The following TYK2 variants were observed in gnomAD, a reference collection of about 807,000 sequenced individuals.
The protein encoded by TYK2 is non-receptor tyrosine-protein kinase TYK2.
In TYK2, 65 loss-of-function variants were observed where a neutral mutation model predicts 130.9. The observed-to-expected ratio is 0.50, with a 90% confidence interval of 0.41 to 0.61. The LOEUF is 0.61. TYK2 is among the 20% of genes least tolerant of loss of function. TYK2 has a pLI of 0.00. For synonymous variants in TYK2, 647 were observed against 658.9 expected (o/e 0.98, Z 0.28); for missense variants, 1,378 against 1,610.7 (o/e 0.86, Z 2.47).
chr19:10,353,863 A>AC lies in TYK2; in HGVS notation c.2908+178dup, dbSNP rs2040940526. ...GTCCATCCTGGCCCCAGCAGGTAGC[A>AC]CCCCCCAGATGGGAAGGAGGCAGCC... is the stretch of plus-strand genomic sequence containing the variant. On this transcript the variant is annotated intron_variant, in intron 20 of 24. Coordinates refer to ENST00000525621, the MANE Select transcript of TYK2 (RefSeq NM_003331.5). This position sits in a 1 kb window ranked among gnomAD's most constrained non-coding sequence, Gnocchi z 6.9. 6.7e-6 allele frequency: 5 copies of AC among 747,460 alleles called. No homozygotes were observed. Among genetic ancestry groups the AC allele is most frequent in the Admixed American group, 4.7e-5 (2 of 42,390 alleles). The allele number at this position is 747,460 out of a possible 1,614,324, so 46.3% of individuals were successfully genotyped here.
chr19:10,362,312 C>T lies in TYK2; in HGVS notation c.1621G>A (p.Gly541Arg), dbSNP rs768654573. ...AALQGCLLRA[G>R]DDCFSLRRCC... ...CGACGCAGAGAGAAGCAGTCATCCC[C>T]GGCCCTCAGCAAGCAGCCCTGCAAG... The change falls in exon 11 of 25, where the codon GGG becomes AGG. Residue 541 changes from glycine (G) to arginine (R), a missense_variant. Coordinates refer to ENST00000525621, the MANE Select transcript of TYK2 (RefSeq NM_003331.5). 39 of 1,614,044 alleles carry T rather than the reference C, an allele frequency of 2.4e-5. No homozygotes were observed. In the East Asian group the frequency reaches 5.1e-4, roughly 21 times the overall value.
chr19:10,374,658 CA>C (rs2042048898), intron 3 of TYK2, among the ~76,000 whole-genome samples: 1 of 146,910 alleles, frequency 6.8e-6, no homozygotes, highest in South Asian at 2.2e-4. Context: ...GAGGCCGAGG[CA>C]GGGGGAACAG....
intron 23 of TYK2, 41 bp from the exon 24 acceptor site, chr19:10,351,203 A>G (rs779101293): frequency 5.8e-6 from 9 of 1,543,932 alleles, no homozygotes; most frequent in East Asian, 2.3e-5. Flanking sequence ...AGAGGCAATG[A>G]AAGGCAGGCA....
At position 10,353,693 on chromosome 19, in the gene TYK2, C is replaced by G. The variant is rs1023180749; in HGVS notation, c.2909-47G>C. The G allele has an allele frequency of 4.3e-6, 6 of 1,379,974 alleles. No homozygotes were observed. The African/African-American group carries it at 8.7e-5, about 20-fold the overall frequency. The allele number at this position is 1,379,974 out of a possible 1,614,324, so 85.5% of individuals were successfully genotyped here. A position where few individuals can be genotyped will look rare whatever the true frequency, so the allele number is the denominator to read the frequency against. On this transcript the variant is annotated intron_variant, in intron 20 of 24. Coordinates refer to ENST00000525621, the MANE Select transcript of TYK2 (RefSeq NM_003331.5). This position sits in a 1 kb window ranked among gnomAD's most constrained non-coding sequence, Gnocchi z 6.9. Reference sequence around the variant, plus strand: ...CCGGTGGGGGACGATAGAGGGCGGGCCGGGGACCGCCTACCTTGAGCCCAG... The same window carrying G: ...CCGGTGGGGGACGATAGAGGGCGGGGCGGGGACCGCCTACCTTGAGCCCAG...
At chr19:10,377,558 G>A (rs2042182692) in intron 3 of TYK2, among the ~76,000 whole-genome samples, 1 of 117,830 alleles carries the variant, frequency 8.5e-6, no homozygotes. Flanking sequence ...GTGGGTGGGT[G>A]GATGGATGGG....
In TYK2 at chr19:10,361,250, G is replaced by A. The variant is rs1258556799; in HGVS notation, c.2047+261C>T. On this transcript the variant is annotated intron_variant, in intron 14 of 24. Coordinates refer to ENST00000525621, the MANE Select transcript of TYK2 (RefSeq NM_003331.5). The surrounding 1 kb of genome is among the most constrained non-coding windows in gnomAD (Gnocchi z 4.0). ...TTGGGAGGTTGATGGAAGTGGGGAT[G>A]TAGTTGGGAATCAGGGTGGGGGTTG... 3.3e-5 allele frequency: 20 copies of A among 602,474 alleles called. No individual in the cohort carries two copies. The South Asian group carries it at 3.3e-4, about 10-fold the overall frequency. The allele number at this position is 602,474 out of a possible 1,614,324, so 37.3% of individuals were successfully genotyped here. A position where few individuals can be genotyped will look rare whatever the true frequency, so the allele number is the denominator to read the frequency against.
chr19:10,375,168 G>C (rs1478711149), intron 3 of TYK2, among the ~76,000 whole-genome samples: 1 of 145,668 alleles, frequency 6.9e-6, no homozygotes, highest in Non-Finnish European at 1.5e-5. Flanking sequence ...CTGTCTCTAC[G>C]AAAGAAAAAA....
chr19:10,370,680 T>TG (rs1044685232), intron 3 of TYK2, among the ~76,000 whole-genome samples: 6 of 151,000 alleles, frequency 4.0e-5, no homozygotes, highest in African/African-American at 1.5e-4. Flanking sequence ...TAGCTGGGTG[T>TG]GGGGGTGAGC....
intron 1 of TYK2, among the ~76,000 whole-genome samples, chr19:10,380,036 T>A (rs1045979883): frequency 6.6e-6 from 1 of 152,202 alleles, no homozygotes; most frequent in African/African-American, 2.4e-5. Flanking sequence ...CCACCCATGT[T>A]GCTGGTTTCC....
Position 10,378,269 on chromosome 19 carries a change from G to C in TYK2, c.138C>G (p.Phe46Leu). ...GPGGGEPWVT[F>L]SESSLTAEEV... The stretch of plus-strand genomic sequence containing the variant: ...CCTCAGCTGTCAGCGATGACTCACT[G>C]AAAGTGACCCAGGGCTCCCCGCCGC... The change falls in exon 3 of 25, where the codon TTC (phenylalanine) becomes TTG (leucine). Residue 46 changes from phenylalanine (F) to leucine (L), a missense_variant. Phe to Leu is a conservative substitution (Grantham distance 22, BLOSUM62 0). Transcript: ENST00000525621. 1 of 1,612,926 alleles carries C rather than the reference G, an allele frequency of 6.2e-7. No homozygotes were observed. The highest frequency in any genetic ancestry group is 1.1e-5 in the South Asian group (1 of 91,084).
At chr19:10,357,063 A>T in intron 17 of TYK2, 1 of 419,270 alleles carries the variant, frequency 2.4e-6, no homozygotes, top group Admixed American at 3.7e-5. Flanking sequence ...CTTCCTAGCC[A>T]GGCTTGTTGG....
rs369213786 is a variant in TYK2, at chr19:10,361,983, G to A, written c.1774-28C>T. The A allele has an allele frequency of 2.3e-5, 37 of 1,613,720 alleles. No individual in the cohort carries two copies. The highest frequency in any genetic ancestry group is 2.9e-5 in the Non-Finnish European group (34 of 1,179,912). On this transcript the variant is annotated intron_variant, in intron 12 of 24. Transcript: ENST00000525621. The surrounding 1 kb of genome is among the most constrained non-coding windows in gnomAD (Gnocchi z 4.0). ...GCGGGATCATGTGGCACAGAATACC[G>A]CCATGGTGAAAGTTAGCAGCTGATC...
intron 5 of TYK2, 94 bp from the exon 6 acceptor site, chr19:10,366,674 TG>T (rs2041680299): frequency 3.0e-6 from 4 of 1,348,026 alleles, no homozygotes; most frequent in Non-Finnish European, 4.2e-6. Flanking sequence ...TGGACCACAC[TG>T]GAAGAAGTGT....
Position 10,364,438 on chromosome 19 carries a change from C to T in TYK2, c.1367+176G>A, listed in dbSNP as rs1169121820. Among the ~76,000 whole-genome samples, 2 of 152,000 alleles carry T rather than the reference C, an allele frequency of 1.3e-5. No homozygotes were observed. Among genetic ancestry groups the T allele is most frequent in the South Asian group, 2.1e-4 (1 of 4,820 alleles). ...CTGAGGCAGGAGAATCGCTTGAACCCGGGAGGCGGAGGCTGCAGTGAGCTG... is the reference window on the plus strand; with the variant it reads ...CTGAGGCAGGAGAATCGCTTGAACCTGGGAGGCGGAGGCTGCAGTGAGCTG... On this transcript the variant is annotated intron_variant, in intron 9 of 24. Coordinates refer to ENST00000525621, the MANE Select transcript of TYK2 (RefSeq NM_003331.5). This position sits in a 1 kb window ranked among gnomAD's most constrained non-coding sequence, Gnocchi z 4.9.
rs1599351623 is a variant in TYK2, at chr19:10,365,678, C to T, written c.850G>A (p.Ala284Thr). ...TAGCAGGGCTCCCCCTCGGCCTGGG[C>T]CAGCAGCCTCAGGTGGCACACGGGC... ...RVPVCHLRLL[A>T]QAEGEPCYIR... Residue 284 changes from alanine to threonine, a missense_variant, in exon 7 of 25, where the codon GCC (alanine) becomes ACC (threonine). By Grantham distance (58) the Ala-to-Thr change is moderately conservative. Coordinates refer to ENST00000525621, the MANE Select transcript of TYK2 (RefSeq NM_003331.5). 6.2e-7 allele frequency: 1 copy of T among 1,613,308 alleles called. No homozygotes were observed. The highest frequency in any genetic ancestry group is 8.5e-7 in the Non-Finnish European group (1 of 1,179,834).
At chr19:10,362,007 T>A (rs1467398352) in intron 12 of TYK2, 52 bp from the exon 13 acceptor site, 19 of 1,613,384 alleles carry the variant, frequency 1.2e-5, no homozygotes, top group Non-Finnish European at 1.6e-5. Flanking sequence ...TAGCAGCTGA[T>A]CTCCCAGGGC....
At chr19:10,366,764 G>A (rs1044856308) in intron 5 of TYK2, among the ~76,000 whole-genome samples, 184 bp from the exon 6 acceptor site, 1 of 149,964 alleles carries the variant, frequency 6.7e-6, no homozygotes, top group African/African-American at 2.5e-5. Context: ...AATATCGCAA[G>A]CCGGGCATGG....
chr19:10,354,988 T>A, intron 18 of TYK2, among the ~76,000 whole-genome samples: 1 of 124,354 alleles, frequency 8.0e-6, no homozygotes, highest in African/African-American at 3.1e-5. Context: ...CCCAGGAGTT[T>A]TGAGGCTGCA....
intron 15 of TYK2, 72 bp from the exon 16 acceptor site, chr19:10,358,210 T>C (rs2041205746): frequency 4.7e-6 from 7 of 1,473,962 alleles, no homozygotes; most frequent in South Asian, 2.5e-5. Flanking sequence ...CTGGTCCCCA[T>C]AGGGACAGCC....
Sources: gnomAD v4.1 joint callset for allele counts (sites outside exome capture counted in the v4.1 genomes callset) on GRCh38, gnomAD v4.1.1 for gene constraint, Gnocchi (gnomAD v3.1) non-coding constraint, MANE v1.5 for transcripts, NCBI Gene and HGNC (gene_info 2026-07-23, HGNC 2026-07-21) for gene names.